The following WDPCP variants were observed in gnomAD, a reference collection of about 807,000 sequenced individuals.
The protein encoded by WDPCP is WD repeat-containing and planar cell polarity effector protein fritz homolog.
In WDPCP, 71 loss-of-function variants were observed where a neutral mutation model predicts 93.1. The ratio of observed to expected loss-of-function variants is 0.76; its 90% CI spans 0.63 to 0.93. The LOEUF is 0.93. WDPCP is among the 40% of genes least tolerant of loss of function. The pLI, the probability that WDPCP is intolerant of heterozygous loss-of-function variation, is 0.00. For synonymous variants in WDPCP, 315 were observed against 315.0 expected (o/e 1.00, Z 0.00); for missense variants, 844 against 887.4 (o/e 0.95, Z 0.62).
At chr2:63,624,439 C>G (rs1037056447) in intron 3 of WDPCP, among the ~76,000 whole-genome samples, 1 of 151,736 alleles carries the variant, frequency 6.6e-6, no homozygotes, top group African/African-American at 2.4e-5. Context: ...TCTAGCCAGA[C>G]TAATATAGAA....
chr2:63,397,723 A>C (rs1693843876), intron 10 of WDPCP, among the ~76,000 whole-genome samples: 1 of 152,168 alleles, frequency 6.6e-6, no homozygotes, highest in Admixed American at 6.6e-5. Context: ...TGTATTTATC[A>C]AGTAGGAAGT....
intron 15 of WDPCP, among the ~76,000 whole-genome samples, chr2:63,158,120 G>A (rs896378833): frequency 6.6e-6 from 1 of 151,916 alleles, no homozygotes; most frequent in African/African-American, 2.4e-5. Flanking sequence ...AGCGTTTGGA[G>A]AATTTTCTCT....
intron 15 of WDPCP, among the ~76,000 whole-genome samples, chr2:63,154,778 A>G (rs1672123768): frequency 6.6e-6 from 1 of 152,152 alleles, no homozygotes. Context: ...ATGAGAGTTC[A>G]GTTACTTTGC....
chr2:63,727,306 T>C (rs76886275), intron 2 of WDPCP, among the ~76,000 whole-genome samples: 94 of 152,338 alleles, frequency 6.2e-4, no homozygotes, highest in African/African-American at 2.2e-3. Context: ...GAGATAATCA[T>C]GTAGTTTTTG....
intron 2 of WDPCP, among the ~76,000 whole-genome samples, chr2:63,687,946 T>C (rs1443850312): frequency 6.6e-6 from 1 of 152,168 alleles, no homozygotes; most frequent in African/African-American, 2.4e-5. Context: ...CAAGTGTCCA[T>C]CAACAGATGA....
At chr2:63,463,379 G>T (rs1199581471) in intron 6 of WDPCP, among the ~76,000 whole-genome samples, 1 of 152,138 alleles carries the variant, frequency 6.6e-6, no homozygotes, top group Non-Finnish European at 1.5e-5. Flanking sequence ...AGACAATTTT[G>T]TTGAGAAATC....
At chr2:63,222,661 T>G (rs1418824378) in intron 14 of WDPCP, among the ~76,000 whole-genome samples, 3 of 152,224 alleles carry the variant, frequency 2.0e-5, no homozygotes, top group African/African-American at 7.2e-5. Flanking sequence ...TATCATAGTT[T>G]AAGTCAGCAC....
chr2:63,632,684 A>C (rs889207243), intron 3 of WDPCP, among the ~76,000 whole-genome samples: 1 of 152,192 alleles, frequency 6.6e-6, no homozygotes, highest in Non-Finnish European at 1.5e-5. Flanking sequence ...GAAATAAAAA[A>C]GGAAATTTTT....
chr2:63,263,925 A>G (rs2104804373), intron 13 of WDPCP, among the ~76,000 whole-genome samples: 1 of 152,332 alleles, frequency 6.6e-6, no homozygotes, highest in South Asian at 2.1e-4. Flanking sequence ...ATAACTATGC[A>G]ATGTTTACTA....
intron 2 of WDPCP, among the ~76,000 whole-genome samples, chr2:63,702,029 G>A (rs899721110): frequency 4.6e-5 from 7 of 152,034 alleles, no homozygotes; most frequent in Non-Finnish European, 8.8e-5. Flanking sequence ...AAGAAAAGAC[G>A]ATTTTTTTTT....
At chr2:63,835,389 CAAAA>C in the WDPCP span, among the ~76,000 whole-genome samples, 2 of 42,362 alleles carry the variant, frequency 4.7e-5, no homozygotes, top group East Asian at 6.5e-4. Context: ...GACTCCATCT[CAAAA>C]AAAAAAAAAA....
intron 2 of WDPCP, among the ~76,000 whole-genome samples, chr2:63,807,740 T>C (rs1458137149): frequency 6.6e-6 from 1 of 152,194 alleles, no homozygotes; most frequent in Non-Finnish European, 1.5e-5. Flanking sequence ...ACTTCTCAAA[T>C]TGTGAATAAT....
At chr2:63,444,977 C>A (rs1240805020) in intron 6 of WDPCP, among the ~76,000 whole-genome samples, 1 of 152,100 alleles carries the variant, frequency 6.6e-6, no homozygotes, top group Non-Finnish European at 1.5e-5. Context: ...TTCTCACAAT[C>A]CCCAGATGGC....
At chr2:63,280,066 A>G (rs1192381745) in intron 13 of WDPCP, among the ~76,000 whole-genome samples, 1 of 152,216 alleles carries the variant, frequency 6.6e-6, no homozygotes, top group Non-Finnish European at 1.5e-5. Flanking sequence ...AAAGCAATCA[A>G]AAGCAGTCTA....
At chr2:63,797,397 T>C (rs1264737916) in intron 2 of WDPCP, among the ~76,000 whole-genome samples, 2 of 152,146 alleles carry the variant, frequency 1.3e-5, no homozygotes, top group East Asian at 3.9e-4. Flanking sequence ...GGTTCCTGAT[T>C]CTAGACCATG....
intron 2 of WDPCP, among the ~76,000 whole-genome samples, chr2:63,683,486 T>C (rs970122312): frequency 6.6e-6 from 1 of 152,152 alleles, no homozygotes; most frequent in Non-Finnish European, 1.5e-5. Context: ...CATATTATGA[T>C]ATTTATCACA....
intron 2 of WDPCP, among the ~76,000 whole-genome samples, chr2:63,674,052 G>A (rs971438570): frequency 6.6e-6 from 1 of 152,144 alleles, no homozygotes; most frequent in African/African-American, 2.4e-5. Context: ...CAAAGCCTCA[G>A]GCAGCCCTGC....
At chr2:63,321,311 C>G (rs771056171) in intron 12 of WDPCP, among the ~76,000 whole-genome samples, 1 of 120,086 alleles carries the variant, frequency 8.3e-6, no homozygotes, top group Non-Finnish European at 1.7e-5. Context: ...TGAAGTGTGT[C>G]TCTATTATCA....
chr2:63,451,658 C>T (rs988193673), intron 6 of WDPCP, among the ~76,000 whole-genome samples: 22 of 152,202 alleles, frequency 1.4e-4, no homozygotes, highest in African/African-American at 4.8e-4. Flanking sequence ...GGATTTTAGA[C>T]CAATATCCCT....
Sources: gnomAD v4.1 joint callset for allele counts (sites outside exome capture counted in the v4.1 genomes callset) on GRCh38, gnomAD v4.1.1 for gene constraint, MANE v1.5 for transcripts, NCBI Gene and HGNC (gene_info 2026-07-23, HGNC 2026-07-21) for gene names.